Variants in FGGY observed in about 807,000 individuals in gnomAD.
FGGY encodes FGGY carbohydrate kinase domain containing, also known as FGGY carbohydrate kinase domain-containing protein.
In FGGY, 72 loss-of-function variants were observed where a neutral mutation model predicts 71.3. The ratio of observed to expected loss-of-function variants is 1.01; its 90% CI spans 0.84 to 1.23. The LOEUF is 1.23. Ranked by LOEUF, FGGY falls within the 50% of genes most tolerant of loss-of-function variation. The pLI, the probability that FGGY is intolerant of heterozygous loss-of-function variation, is 0.00. For synonymous variants in FGGY, 251 were observed against 250.3 expected (o/e 1.00, Z -0.02); for missense variants, 668 against 682.3 (o/e 0.98, Z 0.23).
At chr1:59,519,488 C>T (rs983711881) in intron 7 of FGGY, among the ~76,000 whole-genome samples, 50 of 152,132 alleles carry the variant, frequency 3.3e-4, no homozygotes, top group African/African-American at 1.2e-3. Context: ...TTAAAGGATT[C>T]CTAGAGGGAG....
At chr1:59,390,761 A>G (rs2060596142) in intron 5 of FGGY, among the ~76,000 whole-genome samples, 1 of 152,184 alleles carries the variant, frequency 6.6e-6, no homozygotes, top group African/African-American at 2.4e-5. Context: ...AGCAATTTAC[A>G]TTGACCAGTA....
At chr1:59,666,845 AAGCCTTT>A (rs2097330481) in intron 12 of FGGY, among the ~76,000 whole-genome samples, 1 of 152,090 alleles carries the variant, frequency 6.6e-6, no homozygotes, top group Admixed American at 6.5e-5. Flanking sequence ...TCTAAGGAAA[AAGCCTTT>A]AGTTCCCATT....
intron 10 of FGGY, among the ~76,000 whole-genome samples, chr1:59,627,615 C>T (rs1032983715): frequency 2.6e-5 from 4 of 151,634 alleles, no homozygotes; most frequent in South Asian, 2.1e-4. Context: ...AGCAATGACA[C>T]GATAGTAGCA....
intron 3 of FGGY, 82 bp from the exon 4 acceptor site, chr1:59,346,165 A>G: frequency 1.3e-6 from 2 of 1,532,340 alleles, no homozygotes; most frequent in Non-Finnish European, 1.8e-6. Context: ...TAGCATTTTG[A>G]TCTTGGGAAT....
chr1:59,459,053 C>T (rs924251090), intron 6 of FGGY, among the ~76,000 whole-genome samples: 4 of 152,140 alleles, frequency 2.6e-5, no homozygotes, highest in South Asian at 2.1e-4. Context: ...GAGCATTGAG[C>T]GTCCTGGATT....
chr1:59,484,671 A>G (rs551762191), intron 6 of FGGY, among the ~76,000 whole-genome samples: 110 of 152,298 alleles, frequency 7.2e-4, no homozygotes, highest in African/African-American at 2.6e-3. Context: ...TACTCAGATT[A>G]TTGATAATCC....
chr1:59,396,496 G>T (rs1228481583), intron 5 of FGGY, among the ~76,000 whole-genome samples: 2 of 152,114 alleles, frequency 1.3e-5, no homozygotes, highest in Non-Finnish European at 2.9e-5. Flanking sequence ...CCTAACTGGT[G>T]AGTGAAGAAG....
At chr1:59,456,061 C>CT (rs1021152092) in intron 5 of FGGY, among the ~76,000 whole-genome samples, 1 of 151,528 alleles carries the variant, frequency 6.6e-6, no homozygotes, top group African/African-American at 2.4e-5. Context: ...ACTTTAAAAA[C>CT]TTTTTTTTAT....
chr1:59,324,519 G>T (rs370130878), intron 2 of FGGY, among the ~76,000 whole-genome samples: 1 of 151,550 alleles, frequency 6.6e-6, no homozygotes, highest in Non-Finnish European at 1.5e-5. Context: ...CTCGTGATCC[G>T]CCCGCCTCGG....
At chr1:59,396,117 C>T (rs2153391571) in intron 5 of FGGY, among the ~76,000 whole-genome samples, 1 of 152,104 alleles carries the variant, frequency 6.6e-6, no homozygotes, top group African/African-American at 2.4e-5. Flanking sequence ...GGAGTGGGAC[C>T]AAATAATTTG....
chr1:59,690,744 G>A (rs1421987310), intron 14 of FGGY, among the ~76,000 whole-genome samples: 1 of 152,226 alleles, frequency 6.6e-6, no homozygotes, highest in Non-Finnish European at 1.5e-5. Flanking sequence ...GCAGCCACCT[G>A]TGACTAGTTA....
At chr1:59,459,073 A>G (rs976410442) in intron 6 of FGGY, among the ~76,000 whole-genome samples, 1 of 152,208 alleles carries the variant, frequency 6.6e-6, no homozygotes, top group Non-Finnish European at 1.5e-5. Context: ...TTGAGCATTA[A>G]TACAATTACC....
intron 12 of FGGY, among the ~76,000 whole-genome samples, chr1:59,663,479 G>A (rs1370616634): frequency 6.6e-6 from 1 of 152,142 alleles, no homozygotes; most frequent in African/African-American, 2.4e-5. Context: ...GTCCAGAAAT[G>A]TATAAATGAG....
chr1:59,304,149 A>G lies in FGGY; in HGVS notation c.-15+6999A>G, dbSNP rs146689162. 3.4e-4 allele frequency among the ~76,000 whole-genome samples: 51 copies of G among 152,236 alleles called. No individual in the cohort carries two copies. In the East Asian group the frequency reaches 9.6e-3, roughly 29 times the overall value. On this transcript the variant is annotated intron_variant, in intron 1 of 15. Transcript: ENST00000303721. ...CTTTTGATGTCATATCCAAAAAATC[A>G]TAGCCAAGACCAATGTCGAGGAGTT... is the stretch of plus-strand genomic sequence containing the variant.
At chr1:59,341,715 G>T (rs1159563627) in intron 3 of FGGY, among the ~76,000 whole-genome samples, 1 of 152,146 alleles carries the variant, frequency 6.6e-6, no homozygotes, top group African/African-American at 2.4e-5. Context: ...GACCAAACCT[G>T]GGTAGAGCAA....
At chr1:59,592,805 G>T (rs1457428934) in intron 8 of FGGY, among the ~76,000 whole-genome samples, 1 of 139,508 alleles carries the variant, frequency 7.2e-6, no homozygotes, top group Non-Finnish European at 1.5e-5. Flanking sequence ...GGACGGGGGA[G>T]GGATAGCATT....
chr1:59,420,695 G>GA, intron 5 of FGGY, among the ~76,000 whole-genome samples: 1 of 152,138 alleles, frequency 6.6e-6, no homozygotes, highest in South Asian at 2.1e-4. Context: ...TCCATTAAGG[G>GA]AAATGTACTC....
intron 14 of FGGY, among the ~76,000 whole-genome samples, chr1:59,707,693 T>C (rs1444893128): frequency 2.6e-5 from 4 of 152,192 alleles, no homozygotes; most frequent in Non-Finnish European, 5.9e-5. Context: ...GCTGAGTCTG[T>C]TGCTGTTCAT....
intron 14 of FGGY, among the ~76,000 whole-genome samples, chr1:59,731,941 C>G (rs1394635960): frequency 6.6e-6 from 1 of 152,068 alleles, no homozygotes; most frequent in Non-Finnish European, 1.5e-5. Context: ...CCAGAGAGAC[C>G]CAGATTTAAA....
Sources: allele counts gnomAD v4.1 joint callset (sites outside exome capture counted in the v4.1 genomes callset), GRCh38; gene constraint gnomAD v4.1.1; transcripts MANE v1.5; gene names NCBI Gene and HGNC (gene_info 2026-07-23, HGNC 2026-07-21).